UGGT2: variants seen among roughly 807,000 people sequenced by gnomAD.
The protein encoded by UGGT2 is UDP-glucose:glycoprotein glucosyltransferase 2.
UGGT2 carries 180 observed loss-of-function variants against 192.1 expected under a neutral mutation model. The observed-to-expected ratio is 0.94, with a 90% CI of 0.83 to 1.06. UGGT2 has a LOEUF of 1.06. UGGT2 is among the 50% of genes least tolerant of loss of function. The pLI, the probability that UGGT2 is intolerant of heterozygous loss-of-function variation, is 0.00. For missense variants in UGGT2, 1,849 were observed against 1,795.7 expected (o/e 1.03, Z -0.54); for synonymous variants, 580 against 591.0 (o/e 0.98, Z 0.27).
At chr13:95,939,862 C>T in intron 16 of UGGT2, 95 bp downstream of exon 16, 2 of 1,071,770 alleles carry the variant, frequency 1.9e-6, no homozygotes, top group Non-Finnish European at 1.3e-6. Flanking sequence ...TTCTGTGAGT[C>T]TGACTTTTTT....
intron 36 of UGGT2, among the ~76,000 whole-genome samples, chr13:95,852,943 C>A (rs1480348648): frequency 6.6e-6 from 1 of 152,170 alleles, no homozygotes; most frequent in Non-Finnish European, 1.5e-5. Context: ...CCACCTAAAT[C>A]TCATCATAAA....
chr13:96,034,498 A>G (rs1201358866), intron 1 of UGGT2, among the ~76,000 whole-genome samples: 1 of 152,204 alleles, frequency 6.6e-6, no homozygotes, highest in East Asian at 1.9e-4. Context: ...GGACTGAAAG[A>G]GCTGTAACAT....
chr13:96,031,933 T>C lies in UGGT2; in HGVS notation c.197A>G (p.Gln66Arg). 1 of 1,611,710 alleles carries C rather than the reference T, an allele frequency of 6.2e-7. No individual in the cohort carries two copies. The highest frequency in any genetic ancestry group is 8.5e-7 in the Non-Finnish European group (1 of 1,179,030). The change falls in exon 2 of 39, where the codon CAG becomes CGG. Residue 66 changes from glutamine to arginine, a missense_variant. Coordinates refer to ENST00000376747, the MANE Select transcript of UGGT2 (RefSeq NM_020121.4). ...TAATTCTTGCACAGTTTCCAAAAAC[T>C]GCCAAAATTTTTCATTACTTTCTTC... Reference protein sequence around the residue: ...MAEESNEKFWQFLETVQELAI... With the variant: ...MAEESNEKFWRFLETVQELAI...
At chr13:96,044,073 C>G (rs1403086812) in intron 1 of UGGT2, among the ~76,000 whole-genome samples, 2 of 152,132 alleles carry the variant, frequency 1.3e-5, no homozygotes, top group Non-Finnish European at 2.9e-5. Context: ...TTCTATTCAT[C>G]ATCAGTGCAT....
chr13:95,808,958 G>A (rs1168149878), intron 38 of UGGT2, among the ~76,000 whole-genome samples: 1 of 152,126 alleles, frequency 6.6e-6, no homozygotes, highest in Admixed American at 6.5e-5. Flanking sequence ...TTCAGTACAG[G>A]ACCGTGACTC....
At chr13:95,848,400 T>C (rs1306238925) in intron 36 of UGGT2, among the ~76,000 whole-genome samples, 5 of 152,204 alleles carry the variant, frequency 3.3e-5, no homozygotes, top group Non-Finnish European at 5.9e-5. Context: ...TTTTCTCCTA[T>C]ATTGTCTTCC....
chr13:95,941,753 A>G (rs565275854), intron 15 of UGGT2, among the ~76,000 whole-genome samples: 1 of 152,338 alleles, frequency 6.6e-6, no homozygotes, highest in East Asian at 1.9e-4. Context: ...AATACACATA[A>G]CATACACATT....
intron 4 of UGGT2, among the ~76,000 whole-genome samples, chr13:96,018,010 A>C (rs539974774): frequency 1.8e-4 from 27 of 152,376 alleles, no homozygotes; most frequent in African/African-American, 6.3e-4. Flanking sequence ...ATAACTTTGT[A>C]TCATACATAA....
At chr13:95,955,525 A>G (rs1248287899) in intron 12 of UGGT2, among the ~76,000 whole-genome samples, 1 of 152,208 alleles carries the variant, frequency 6.6e-6, no homozygotes, top group Non-Finnish European at 1.5e-5. Context: ...TTCTGAGTAT[A>G]CGAAATGAAT....
At chr13:95,927,851 G>A (rs1018748477) in intron 17 of UGGT2, among the ~76,000 whole-genome samples, 1 of 152,066 alleles carries the variant, frequency 6.6e-6, no homozygotes, top group Non-Finnish European at 1.5e-5. Context: ...CTTGAGATTC[G>A]GGAGTGGTGA....
intron 20 of UGGT2, among the ~76,000 whole-genome samples, chr13:95,917,530 T>A (rs1049122297): frequency 4.0e-5 from 6 of 151,800 alleles, no homozygotes; most frequent in African/African-American, 1.4e-4. Flanking sequence ...CCAGCTAGCA[T>A]CATGATGACA....
At chr13:95,926,063 C>T (rs948587278) in intron 19 of UGGT2, among the ~76,000 whole-genome samples, 19 of 151,948 alleles carry the variant, frequency 1.3e-4, no homozygotes, top group South Asian at 4.1e-4. Context: ...TTATATAAAA[C>T]TCCCAGTGTT....
At chr13:95,828,708 A>G (rs1408798750) in intron 38 of UGGT2, among the ~76,000 whole-genome samples, 4 of 152,148 alleles carry the variant, frequency 2.6e-5, no homozygotes, top group Non-Finnish European at 5.9e-5. Flanking sequence ...CTCCAGGACC[A>G]GACGGATTCA....
At chr13:96,044,478 CAGT>C (rs1195858481) in intron 1 of UGGT2, among the ~76,000 whole-genome samples, 1 of 152,020 alleles carries the variant, frequency 6.6e-6, no homozygotes, top group Admixed American at 6.6e-5. Context: ...AACCCAATCC[CAGT>C]AGAAGTGAAA....
At chr13:95,931,784 G>A (rs185481129) in intron 17 of UGGT2, among the ~76,000 whole-genome samples, 2 of 151,980 alleles carry the variant, frequency 1.3e-5, no homozygotes, top group Non-Finnish European at 2.9e-5. Flanking sequence ...GCCCATGAAC[G>A]TGGCGCGGAG....
chr13:95,875,419 C>A (rs1015400299), intron 29 of UGGT2, among the ~76,000 whole-genome samples: 3 of 152,058 alleles, frequency 2.0e-5, no homozygotes, highest in African/African-American at 7.2e-5. Context: ...TTTACATAAA[C>A]CCTTTTAGTG....
chr13:95,831,381 C>CG (rs1886669817), intron 38 of UGGT2, among the ~76,000 whole-genome samples: 1 of 152,016 alleles, frequency 6.6e-6, no homozygotes, highest in Non-Finnish European at 1.5e-5. Context: ...TTAATGGAAA[C>CG]GAGATCAATT....
chr13:95,845,867 G>A (rs1393576227), intron 36 of UGGT2, among the ~76,000 whole-genome samples: 2 of 152,060 alleles, frequency 1.3e-5, no homozygotes. Context: ...CCAGATGATG[G>A]GCGGCCGGGC....
chr13:95,929,159 G>A (rs1013096715), intron 17 of UGGT2, among the ~76,000 whole-genome samples: 9 of 151,774 alleles, frequency 5.9e-5, no homozygotes, highest in East Asian at 3.9e-4. Flanking sequence ...GTCCAGCCTC[G>A]GCTTGGCATC....
Sources: gnomAD v4.1 joint callset for allele counts (sites outside exome capture counted in the v4.1 genomes callset) on GRCh38, gnomAD v4.1.1 for gene constraint, MANE v1.5 for transcripts, NCBI Gene and HGNC (gene_info 2026-07-23, HGNC 2026-07-21) for gene names.